Variants in SLC9A9 observed in about 807,000 individuals in gnomAD.
SLC9A9 encodes the protein solute carrier family 9 member A9, also known as sodium/hydrogen exchanger 9.
Under a neutral mutation model 77.8 loss-of-function variants are expected in SLC9A9, and 62 were observed. That is an observed-to-expected ratio of 0.80 (90% CI 0.65 to 0.98). The LOEUF is 0.98. SLC9A9 is among the 50% of genes least tolerant of loss of function. The pLI, the probability that SLC9A9 is intolerant of heterozygous loss-of-function variation, is 0.00. For synonymous variants in SLC9A9, 320 were observed against 283.5 expected (o/e 1.13, Z -1.29); for missense variants, 775 against 774.9 (o/e 1.00, Z 0.00).
intron 9 of SLC9A9, among the ~76,000 whole-genome samples, chr3:143,514,430 T>G (rs2036170097): frequency 6.6e-6 from 1 of 151,948 alleles, no homozygotes; most frequent in African/African-American, 2.4e-5. Flanking sequence ...AACAAGAAGG[T>G]CAGCCTGTCT....
intron 12 of SLC9A9, among the ~76,000 whole-genome samples, chr3:143,438,499 A>G (rs1166906509): frequency 1.3e-5 from 2 of 152,136 alleles, no homozygotes; most frequent in Non-Finnish European, 2.9e-5. Context: ...CCTTCTCCCC[A>G]TTCCAGCCTG....
chr3:143,570,354 G>T (rs1048697151), intron 8 of SLC9A9, among the ~76,000 whole-genome samples: 1 of 152,144 alleles, frequency 6.6e-6, no homozygotes, highest in African/African-American at 2.4e-5. Flanking sequence ...ATTTGGGGTG[G>T]TGAAGACGTG....
chr3:143,471,251 T>C (rs1047697816), intron 11 of SLC9A9, among the ~76,000 whole-genome samples: 1 of 152,168 alleles, frequency 6.6e-6, no homozygotes, highest in African/African-American at 2.4e-5. Flanking sequence ...CCAGATGAGG[T>C]GGACTATTGT....
intron 1 of SLC9A9, 122 bp downstream of exon 1, chr3:143,848,026 C>T: frequency 9.6e-7 from 1 of 1,043,120 alleles, no homozygotes; most frequent in Non-Finnish European, 1.5e-6. Flanking sequence ...CACCTTTCAT[C>T]AAACTAATGA....
intron 6 of SLC9A9, among the ~76,000 whole-genome samples, chr3:143,593,412 T>A (rs1293291049): frequency 6.6e-6 from 1 of 152,208 alleles, no homozygotes; most frequent in African/African-American, 2.4e-5. Context: ...GAACCAAGGG[T>A]ATATACAAAA....
chr3:143,270,287 T>G (rs187036471), intron 14 of SLC9A9, among the ~76,000 whole-genome samples: 1 of 152,348 alleles, frequency 6.6e-6, no homozygotes, highest in Non-Finnish European at 1.5e-5. Context: ...TTCATTAGTG[T>G]TATTTCTTTC....
At chr3:143,318,010 A>G (rs1017598981) in intron 14 of SLC9A9, among the ~76,000 whole-genome samples, 4 of 152,174 alleles carry the variant, frequency 2.6e-5, no homozygotes, top group African/African-American at 9.6e-5. Flanking sequence ...TACAGGCCTG[A>G]GCCACCGTGC....
chr3:143,373,748 C>G (rs2033111687), intron 13 of SLC9A9, among the ~76,000 whole-genome samples: 2 of 149,218 alleles, frequency 1.3e-5, no homozygotes, highest in Non-Finnish European at 3.0e-5. Flanking sequence ...GAAAAGAGAT[C>G]AATAAAAATT....
At chr3:143,751,170 TCTTGCTGCTGTCTAAACAGGC>T (rs1274743521) in intron 4 of SLC9A9, among the ~76,000 whole-genome samples, 11 of 152,280 alleles carry the variant, frequency 7.2e-5, no homozygotes, top group Non-Finnish European at 1.6e-4. Flanking sequence ...AGAGTGCAGC[TCTTGCTGCTGTCTAAACAGGC>T]TCATGCTGTG....
At chr3:143,550,608 G>A (rs754966446) in intron 9 of SLC9A9, among the ~76,000 whole-genome samples, 1 of 152,172 alleles carries the variant, frequency 6.6e-6, no homozygotes, top group African/African-American at 2.4e-5. Flanking sequence ...CACCAGTCAA[G>A]CCTACTTTAG....
intron 12 of SLC9A9, among the ~76,000 whole-genome samples, chr3:143,461,931 C>T (rs2035201731): frequency 6.6e-6 from 1 of 152,112 alleles, no homozygotes; most frequent in African/African-American, 2.4e-5. Flanking sequence ...TTACTAAGGA[C>T]AGTTCTCTTT....
Position 143,632,763 on chromosome 3 carries a change from C to T in SLC9A9, c.755+19492G>A, listed in dbSNP as rs185363113. ...TTTCATTTGTATTTTTAGAAGTCCA[C>T]ACGTTAAGTGATAAATCTCATATTT... On this transcript the variant is annotated intron_variant, in intron 6 of 15. Coordinates refer to ENST00000316549, the MANE Select transcript of SLC9A9 (RefSeq NM_173653.4). Among the ~76,000 whole-genome samples, 8 of 152,298 alleles carry T rather than the reference C, an allele frequency of 5.3e-5. No homozygotes were observed. The East Asian group carries it at 1.5e-3, about 29-fold the overall frequency.
At chr3:143,536,540 A>G (rs1403073680) in intron 9 of SLC9A9, among the ~76,000 whole-genome samples, 2 of 152,208 alleles carry the variant, frequency 1.3e-5, no homozygotes, top group South Asian at 4.1e-4. Flanking sequence ...GATTACTACA[A>G]TGAATCTGTG....
chr3:143,800,604 C>T (rs1160326529), intron 2 of SLC9A9, among the ~76,000 whole-genome samples: 3 of 152,182 alleles, frequency 2.0e-5, no homozygotes, highest in Non-Finnish European at 4.4e-5. Context: ...CTGGACTGAC[C>T]CTGACACCCA....
intron 2 of SLC9A9, among the ~76,000 whole-genome samples, chr3:143,821,179 G>A (rs1444926146): frequency 6.6e-6 from 1 of 152,148 alleles, no homozygotes; most frequent in African/African-American, 2.4e-5. Flanking sequence ...ACTTTAAATG[G>A]TACAATAAAA....
intron 5 of SLC9A9, among the ~76,000 whole-genome samples, chr3:143,671,670 T>TAAA (rs1451944181): frequency 6.6e-6 from 1 of 152,252 alleles, no homozygotes; most frequent in African/African-American, 2.4e-5. Flanking sequence ...GGTTTTAAAC[T>TAAA]GATGCTATTC....
intron 2 of SLC9A9, among the ~76,000 whole-genome samples, chr3:143,811,960 T>C (rs2008879962): frequency 6.6e-6 from 1 of 151,896 alleles, no homozygotes; most frequent in Non-Finnish European, 1.5e-5. Flanking sequence ...TTTGAGAATA[T>C]GAGGCACAAG....
At chr3:143,799,654 G>A (rs1429204937) in intron 2 of SLC9A9, among the ~76,000 whole-genome samples, 2 of 152,168 alleles carry the variant, frequency 1.3e-5, no homozygotes, top group African/African-American at 2.4e-5. Context: ...ACTGAAAATC[G>A]GACTGTTCAA....
At chr3:143,476,796 C>T (rs919549536) in intron 11 of SLC9A9, among the ~76,000 whole-genome samples, 1 of 152,062 alleles carries the variant, frequency 6.6e-6, no homozygotes, top group Non-Finnish European at 1.5e-5. Context: ...TCTCATTGTC[C>T]ACAAAGTAGG....
Sources: gnomAD v4.1 joint callset for allele counts (sites outside exome capture counted in the v4.1 genomes callset) on GRCh38, gnomAD v4.1.1 for gene constraint, MANE v1.5 for transcripts, NCBI Gene and HGNC (gene_info 2026-07-23, HGNC 2026-07-21) for gene names.